Variants in SHOC2 observed in about 807,000 individuals in gnomAD.
The protein encoded by SHOC2 is leucine-rich repeat protein SHOC-2.
In SHOC2, 4 loss-of-function variants were observed where a neutral mutation model predicts 50.2. That is an observed-to-expected ratio of 0.08 (90% confidence interval 0.04 to 0.18). SHOC2 has a LOEUF of 0.18. SHOC2 is among the 10% of genes least tolerant of loss of function. The pLI, the probability that SHOC2 is intolerant of heterozygous loss-of-function variation, is 1.00. For synonymous variants in SHOC2, 218 were observed against 244.5 expected, an observed-to-expected ratio of 0.89 and a Z score of 1.01; for missense variants, 388 against 669.6, an observed-to-expected ratio of 0.58 and a Z score of 4.64.
At chr10:110,946,407 A>G (rs1847247392) in intron 1 of SHOC2, among the ~76,000 whole-genome samples, 1 of 150,346 alleles carries the variant, frequency 6.7e-6, no homozygotes, top group Non-Finnish European at 1.5e-5. Context: ...GCTGCAAACC[A>G]AATAGTCAGA....
At chr10:110,942,837 T>G (rs777436014) in intron 1 of SHOC2, among the ~76,000 whole-genome samples, 7 of 152,216 alleles carry the variant, frequency 4.6e-5, no homozygotes, top group Non-Finnish European at 8.8e-5. Flanking sequence ...AGAATTCTTG[T>G]TAGACAGTTT....
intron 1 of SHOC2, among the ~76,000 whole-genome samples, chr10:110,926,628 A>C (rs1377780920): frequency 9.2e-5 from 14 of 152,222 alleles, no homozygotes; most frequent in African/African-American, 3.4e-4. Flanking sequence ...TGTTATGACA[A>C]ACATGCGTAG....
At chr10:110,991,058 A>G (rs1848177906) in intron 3 of SHOC2, among the ~76,000 whole-genome samples, 1 of 152,180 alleles carries the variant, frequency 6.6e-6, no homozygotes, top group African/African-American at 2.4e-5. Flanking sequence ...TCAGATAGAT[A>G]TATATAGCAT....
At chr10:110,965,300 A>T (rs559854356) in intron 2 of SHOC2, among the ~76,000 whole-genome samples, 3 of 152,148 alleles carry the variant, frequency 2.0e-5, no homozygotes. Context: ...TCCCACACAA[A>T]CCTAATCTTT....
chr10:110,951,159 A>C (rs1005735672), intron 1 of SHOC2, among the ~76,000 whole-genome samples: 2 of 152,210 alleles, frequency 1.3e-5, no homozygotes, highest in African/African-American at 4.8e-5. Flanking sequence ...TTAATATCCA[A>C]AATATATTTA....
intron 2 of SHOC2, among the ~76,000 whole-genome samples, chr10:110,971,413 G>T (rs77379279): frequency 0.014 from 2,128 of 152,032 alleles, 26 homozygotes; most frequent in Non-Finnish European, 0.023. Context: ...TTGATCTATT[G>T]TCTTGTTTTT....
rs1848572987 is a variant in SHOC2 at position 111,011,893 on chromosome 10, T to G, written c.*75T>G. ...GTTTCTTATCTATATCTGTATCTAT[T>G]TATGTAGATATTGGTATATGGCAGA... On this transcript the variant is annotated 3_prime_UTR_variant, in exon 9 of 9. Coordinates refer to ENST00000369452, the MANE Select transcript of SHOC2 (RefSeq NM_007373.4). The G allele has an allele frequency of 8.5e-7, 1 of 1,170,396 alleles. No individual in the cohort carries two copies. The highest frequency in any genetic ancestry group is 1.3e-6 in the Non-Finnish European group (1 of 783,708). 72.5% of individuals were successfully genotyped at this position (1,170,396 alleles called of 1,614,324 possible).
intron 1 of SHOC2, among the ~76,000 whole-genome samples, chr10:110,924,484 A>G (rs1846716682): frequency 6.6e-6 from 1 of 152,206 alleles, no homozygotes; most frequent in Admixed American, 6.5e-5. Flanking sequence ...CAGTTAGAGA[A>G]GAATAACAGT....
Position 111,004,906 on chromosome 10 carries a change from G to T in SHOC2, c.1161+112G>T. On this transcript the variant is annotated intron_variant, in intron 5 of 8. Coordinates refer to ENST00000369452, the MANE Select transcript of SHOC2 (RefSeq NM_007373.4). ...GTGGGTACTTGTACCTTGCTGATGGGTCTAAACTGATCATAAGACATGTCA... is the reference window on the plus strand; with the variant it reads ...GTGGGTACTTGTACCTTGCTGATGGTTCTAAACTGATCATAAGACATGTCA... 6 of 738,870 alleles carry T rather than the reference G, an allele frequency of 8.1e-6. No individual in the cohort carries two copies. The South Asian group carries it at 8.9e-5, about 11-fold the overall frequency. The allele number at this position is 738,870 out of a possible 1,614,324, so 45.8% of individuals were successfully genotyped here. A position where few individuals can be genotyped will look rare whatever the true frequency, so the allele number is the denominator to read the frequency against.
At chr10:111,000,625 A>C (rs1175383346) in intron 4 of SHOC2, 80 bp downstream of exon 4, 2 of 1,264,208 alleles carry the variant, frequency 1.6e-6, no homozygotes, top group Non-Finnish European at 2.3e-6. Flanking sequence ...TCTTTATAGC[A>C]GGGTAAATAA....
intron 1 of SHOC2, among the ~76,000 whole-genome samples, chr10:110,924,724 C>T (rs1440259048): frequency 6.6e-6 from 1 of 152,056 alleles, no homozygotes; most frequent in African/African-American, 2.4e-5. Context: ...GAGAATATAT[C>T]AGTGTAACGT....
intron 1 of SHOC2, among the ~76,000 whole-genome samples, chr10:110,925,503 A>G (rs968867244): frequency 1.3e-5 from 2 of 152,158 alleles, no homozygotes; most frequent in African/African-American, 4.8e-5. Flanking sequence ...CACCCAGACT[A>G]GAGTGCAGTG....
At chr10:111,002,918 A>T (rs538132610) in intron 4 of SHOC2, among the ~76,000 whole-genome samples, 1 of 152,356 alleles carries the variant, frequency 6.6e-6, no homozygotes, top group African/African-American at 2.4e-5. Flanking sequence ...CAATAAAGTA[A>T]GTCAGTTGTA....
intron 4 of SHOC2, among the ~76,000 whole-genome samples, chr10:111,002,303 A>G (rs929837962): frequency 1.3e-5 from 2 of 152,196 alleles, no homozygotes; most frequent in African/African-American, 4.8e-5. Flanking sequence ...CATTTATAGT[A>G]AGGAAAACAA....
chr10:110,983,248 A>G (rs929455911), intron 2 of SHOC2, among the ~76,000 whole-genome samples: 1 of 152,046 alleles, frequency 6.6e-6, no homozygotes, highest in Non-Finnish European at 1.5e-5. Context: ...GCAGAGGGCT[A>G]TAAACATTGA....
intron 4 of SHOC2, among the ~76,000 whole-genome samples, chr10:111,004,237 TAA>T (rs964531101): frequency 4.6e-5 from 7 of 152,228 alleles, no homozygotes; most frequent in Non-Finnish European, 1.0e-4. Flanking sequence ...TGTCTGACAC[TAA>T]AGTTTCTGCA....
intron 1 of SHOC2, among the ~76,000 whole-genome samples, chr10:110,959,351 A>G (rs528597034): frequency 2.6e-3 from 403 of 152,356 alleles, no homozygotes; most frequent in African/African-American, 9.1e-3. Flanking sequence ...TAGGTGCTCA[A>G]AATTATAAAC....
At chr10:110,954,529 T>TAACC (rs150721713) in intron 1 of SHOC2, among the ~76,000 whole-genome samples, 2 of 151,634 alleles carry the variant, frequency 1.3e-5, no homozygotes, top group African/African-American at 4.8e-5. Flanking sequence ...ATATGGGTCT[T>TAACC]AACTACTATA....
At chr10:110,958,336 C>T (rs1355021213) in intron 1 of SHOC2, among the ~76,000 whole-genome samples, 2 of 152,024 alleles carry the variant, frequency 1.3e-5, no homozygotes, top group South Asian at 2.1e-4. Flanking sequence ...GCCTCAGCCT[C>T]CTGAGTAGCT....
Sources: gnomAD v4.1 joint callset for allele counts (sites outside exome capture counted in the v4.1 genomes callset) on GRCh38, gnomAD v4.1.1 for gene constraint, MANE v1.5 for transcripts, NCBI Gene and HGNC (gene_info 2026-07-23, HGNC 2026-07-21) for gene names.